The following GMDS variants were observed in gnomAD, a reference collection of about 807,000 sequenced individuals.
The protein encoded by GMDS is GDP-mannose 4,6-dehydratase, also known as GDP-mannose 4,6 dehydratase.
In GMDS, 20 loss-of-function variants were observed where a neutral mutation model predicts 49.9. The observed-to-expected ratio is 0.40, with a 90% CI of 0.28 to 0.58. The LOEUF is 0.58. GMDS is among the 20% of genes least tolerant of loss of function. GMDS has a pLI of 0.42. For missense variants in GMDS, 362 were observed against 481.4 expected (o/e 0.75, Z 2.32); for synonymous variants, 177 against 178.6 (o/e 0.99, Z 0.07).
At chr6:2,164,256 C>T (rs1318357747) in intron 1 of GMDS, among the ~76,000 whole-genome samples, 4 of 152,156 alleles carry the variant, frequency 2.6e-5, no homozygotes, top group Non-Finnish European at 5.9e-5. Context: ...TATACATGCC[C>T]ACATTTGTTC....
In GMDS at chr6:1,959,917, T is replaced by C. The variant is rs768792866; in HGVS notation, c.593A>G (p.Asn198Ser). The change falls in exon 6 of 11, where the codon AAT (asparagine) becomes AGT (serine). Residue 198 changes from asparagine (N) to serine (S), a missense_variant. Transcript: ENST00000380815. ...GAGAATGCCGTTCACTGCAAAGAGA[T>C]TATACGCCTCACGGAAGTTCACCAC... ...WIVVNFREAY[N>S]LFAVNGILFN... 2.1e-5 allele frequency: 34 copies of C among 1,611,938 alleles called. No individual in the cohort carries two copies. Among genetic ancestry groups the C allele is most frequent in the Non-Finnish European group, 2.6e-5 (31 of 1,179,050 alleles).
At chr6:1,624,748 C>CGGGCGCGGTGGCTCACGCCTGTAAT in intron 9 of GMDS, 1 of 540,536 alleles carries the variant, frequency 1.9e-6, no homozygotes, top group African/African-American at 1.9e-5. Context: ...CTGTGCGGAC[C>CGGGCGCGGTGGCTCACGCCTGTAAT]CGTGAGGACC....
At chr6:1,965,373 A>T (rs1490504154) in intron 4 of GMDS, among the ~76,000 whole-genome samples, 1 of 152,252 alleles carries the variant, frequency 6.6e-6, no homozygotes, top group Non-Finnish European at 1.5e-5. Context: ...GAGAAAATTA[A>T]GCATATGTGT....
At chr6:2,201,784 G>A (rs533961632) in intron 1 of GMDS, among the ~76,000 whole-genome samples, 22 of 134,064 alleles carry the variant, frequency 1.6e-4, no homozygotes, top group Admixed American at 2.3e-4. Context: ...ATGGGCATCC[G>A]AGATGTAACC....
chr6:2,070,275 G>C (rs1347894221), intron 4 of GMDS, among the ~76,000 whole-genome samples: 1 of 122,868 alleles, frequency 8.1e-6, no homozygotes, highest in Non-Finnish European at 1.7e-5. Flanking sequence ...TTGTGGGGTG[G>C]GGGGAGGGGG....
At chr6:1,643,032 T>C (rs1448826592) in intron 9 of GMDS, among the ~76,000 whole-genome samples, 2 of 152,192 alleles carry the variant, frequency 1.3e-5, no homozygotes, top group African/African-American at 4.8e-5. Context: ...GAGGGGGGCA[T>C]CCTGCAGAGC....
intron 4 of GMDS, among the ~76,000 whole-genome samples, chr6:1,978,814 C>G (rs1006918484): frequency 6.6e-6 from 1 of 151,966 alleles, no homozygotes; most frequent in African/African-American, 2.4e-5. Context: ...GACTTCCAAC[C>G]AGGGTCTCCA....
intron 4 of GMDS, among the ~76,000 whole-genome samples, chr6:1,969,289 A>AAAGAG (rs56095985): frequency 1.5e-4 from 13 of 84,356 alleles, no homozygotes; most frequent in East Asian, 4.0e-4. Flanking sequence ...AAAAAAAAAA[A>AAAGAG]AGAGAAAGAA....
intron 7 of GMDS, among the ~76,000 whole-genome samples, chr6:1,830,505 A>G (rs1194253116): frequency 1.3e-5 from 2 of 152,238 alleles, no homozygotes; most frequent in African/African-American, 4.8e-5. Flanking sequence ...CAGAGGATAT[A>G]GTACAGGGGT....
At chr6:1,659,152 C>T (rs1162797984) in intron 9 of GMDS, among the ~76,000 whole-genome samples, 1 of 151,478 alleles carries the variant, frequency 6.6e-6, no homozygotes, top group Non-Finnish European at 1.5e-5. Context: ...AGTTCCTGCT[C>T]TGTGGAGGGA....
At chr6:1,922,539 C>A (rs904195876) in intron 7 of GMDS, among the ~76,000 whole-genome samples, 2 of 152,220 alleles carry the variant, frequency 1.3e-5, no homozygotes, top group African/African-American at 2.4e-5. Context: ...TGCCCACTCT[C>A]TCCTGAATGG....
At chr6:1,990,874 G>C (rs560529315) in intron 4 of GMDS, among the ~76,000 whole-genome samples, 3 of 151,900 alleles carry the variant, frequency 2.0e-5, no homozygotes, top group Non-Finnish European at 2.9e-5. Context: ...ATAAGCCTCC[G>C]TGCCCGGCCA....
chr6:1,759,750 A>G (rs937370749), intron 7 of GMDS, among the ~76,000 whole-genome samples: 9 of 152,216 alleles, frequency 5.9e-5, no homozygotes, highest in Non-Finnish European at 1.3e-4. Context: ...CAGAGGCTTC[A>G]GGTAGTTATC....
At chr6:2,169,739 T>C (rs143534746) in intron 1 of GMDS, among the ~76,000 whole-genome samples, 38 of 152,242 alleles carry the variant, frequency 2.5e-4, no homozygotes, top group African/African-American at 9.1e-4. Flanking sequence ...TGCCAGGATC[T>C]GAGACTTTTA....
At chr6:2,014,015 T>A (rs1767738483) in intron 4 of GMDS, among the ~76,000 whole-genome samples, 1 of 143,778 alleles carries the variant, frequency 7.0e-6, no homozygotes, top group South Asian at 2.2e-4. Flanking sequence ...AAGAAGCTTG[T>A]CAAAAAACAA....
At chr6:2,156,472 A>G (rs1011901674) in intron 1 of GMDS, among the ~76,000 whole-genome samples, 4 of 152,202 alleles carry the variant, frequency 2.6e-5, no homozygotes, top group Non-Finnish European at 5.9e-5. Context: ...TAAGAAAACA[A>G]AAGAGAATCA....
intron 4 of GMDS, among the ~76,000 whole-genome samples, chr6:2,017,325 CT>C (rs60232047): frequency 0.038 from 5,773 of 151,622 alleles, 264 homozygotes; most frequent in African/African-American, 0.1. Context: ...TTTTTTCCCC[CT>C]GAGACAGAGT....
At chr6:2,177,075 AACGCAGTTGGAACGCCAGC>A (rs984400647) in intron 1 of GMDS, among the ~76,000 whole-genome samples, 1 of 152,160 alleles carries the variant, frequency 6.6e-6, no homozygotes. Context: ...TGGTACCAAG[AACGCAGTTGGAACGCCAGC>A]CTTGGTAAGC....
intron 4 of GMDS, among the ~76,000 whole-genome samples, chr6:2,010,497 C>G (rs1767495244): frequency 6.6e-6 from 1 of 151,984 alleles, no homozygotes; most frequent in Non-Finnish European, 1.5e-5. Context: ...AGAATCTAAT[C>G]TAAAAAGAGT....
Sources: allele counts gnomAD v4.1 joint callset (sites outside exome capture counted in the v4.1 genomes callset), GRCh38; gene constraint gnomAD v4.1.1; transcripts MANE v1.5; gene names NCBI Gene and HGNC (gene_info 2026-07-23, HGNC 2026-07-21).